Variants in DCAF6 observed in about 807,000 individuals in gnomAD.
DCAF6 encodes DDB1- and CUL4-associated factor 6.
DCAF6 carries 54 observed loss-of-function variants against 125.1 expected under a neutral mutation model. The ratio of observed to expected loss-of-function variants is 0.43; its 90% CI spans 0.35 to 0.54. The LOEUF is 0.54. Ranked by LOEUF, DCAF6 falls within the 20% of genes least tolerant of loss-of-function variation. The pLI, the probability that DCAF6 is intolerant of heterozygous loss-of-function variation, is 0.01. For missense variants in DCAF6, 934 were observed against 1,161.7 expected, an observed-to-expected ratio of 0.80 and a Z score of 2.85; for synonymous variants, 371 against 390.4, an observed-to-expected ratio of 0.95 and a Z score of 0.58.
At chr1:168,048,199 C>T (rs1689381719) in intron 16 of DCAF6, among the ~76,000 whole-genome samples, 1 of 152,102 alleles carries the variant, frequency 6.6e-6, no homozygotes, top group Non-Finnish European at 1.5e-5. Flanking sequence ...GGATACATTG[C>T]ACACATGGAT....
chr1:168,036,070 T>A (rs543984994), intron 12 of DCAF6, among the ~76,000 whole-genome samples: 1 of 151,890 alleles, frequency 6.6e-6, no homozygotes, highest in Non-Finnish European at 1.5e-5. Context: ...TCAAAAAAAA[T>A]AAAAACAAAA....
chr1:168,015,020 C>A (rs1193451505), intron 10 of DCAF6, among the ~76,000 whole-genome samples: 2 of 152,148 alleles, frequency 1.3e-5, no homozygotes, highest in South Asian at 2.1e-4. Flanking sequence ...TGTGTATTCG[C>A]AAATGTCTTT....
chr1:168,035,403 C>T (rs1049624345), intron 12 of DCAF6, among the ~76,000 whole-genome samples: 4 of 152,154 alleles, frequency 2.6e-5, no homozygotes, highest in Non-Finnish European at 5.9e-5. Flanking sequence ...GCCATGATTT[C>T]GCCACTGCAC....
At chr1:168,048,193 A>G (rs1014174858) in intron 16 of DCAF6, among the ~76,000 whole-genome samples, 1 of 152,190 alleles carries the variant, frequency 6.6e-6, no homozygotes, top group Non-Finnish European at 1.5e-5. Context: ...GTCCAAGGAT[A>G]CATTGCACAC....
chr1:167,969,085 T>G lies in DCAF6; in HGVS notation c.252+2364T>G, dbSNP rs145047753. The G allele has an allele frequency of 5.0e-3, 758 of 152,272 alleles. 5 individuals are homozygous for G. The highest frequency in any genetic ancestry group is 0.017 in the African/African-American group (711 of 41,582). 9.4% of individuals were successfully genotyped at this position (152,272 alleles called of 1,614,324 possible). A position where few individuals can be genotyped will look rare whatever the true frequency, so the allele number is the denominator to read the frequency against. ...ACCATTCTGACCAAGTTATTTAAAC[T>G]TTCCTTAGCCTTTTTCTTCATATAT... is the stretch of plus-strand genomic sequence containing the variant. On this transcript the variant is annotated intron_variant, in intron 3 of 21. Transcript: ENST00000367840.
At chr1:167,911,514 G>C in the DCAF6 span, among the ~76,000 whole-genome samples, 2 of 152,042 alleles carry the variant, frequency 1.3e-5, no homozygotes, top group African/African-American at 2.4e-5. Flanking sequence ...TCCTTCTTTT[G>C]TTCTCCTCTA....
chr1:167,872,188 A>C, the DCAF6 span, among the ~76,000 whole-genome samples: 3 of 152,062 alleles, frequency 2.0e-5, no homozygotes, highest in African/African-American at 7.2e-5. Context: ...AAAATACAAA[A>C]TTAGCCGGGC....
intron 4 of DCAF6, among the ~76,000 whole-genome samples, chr1:167,980,378 A>G (rs143243452): frequency 7.1e-4 from 106 of 148,930 alleles, no homozygotes; most frequent in African/African-American, 2.6e-3. Context: ...TCCATTTTTA[A>G]GTTTTTGAGG....
the DCAF6 span, chr1:167,870,395 A>G: frequency 6.2e-7 from 1 of 1,609,996 alleles, no homozygotes; most frequent in Non-Finnish European, 8.5e-7. Flanking sequence ...GAAGTAGTTG[A>G]TCTCTTTATT....
upstream of DCAF6, among the ~76,000 whole-genome samples, chr1:167,934,291 A>T (rs571979544): frequency 2.6e-4 from 40 of 152,320 alleles, no homozygotes; most frequent in African/African-American, 8.2e-4. Flanking sequence ...TTACTCTGTC[A>T]TGCCCTTATC....
At chr1:167,962,348 T>TA (rs776920107) in intron 2 of DCAF6, among the ~76,000 whole-genome samples, 1 of 152,154 alleles carries the variant, frequency 6.6e-6, no homozygotes, top group Non-Finnish European at 1.5e-5. Context: ...TGTCAGTTTT[T>TA]ATCTCACATA....
chr1:167,974,637 A>G (rs1677859497), intron 3 of DCAF6, among the ~76,000 whole-genome samples, 193 bp from the exon 4 acceptor site: 1 of 152,146 alleles, frequency 6.6e-6, no homozygotes, highest in Non-Finnish European at 1.5e-5. Flanking sequence ...AATCTTATTC[A>G]CATCTCACAG....
the DCAF6 span, chr1:167,878,460 G>C: frequency 1.2e-6 from 2 of 1,613,686 alleles, no homozygotes; most frequent in African/African-American, 2.7e-5. Context: ...TCTCAGTACG[G>C]CCCCAATACT....
chr1:167,901,430 T>A, the DCAF6 span, among the ~76,000 whole-genome samples: 1 of 152,216 alleles, frequency 6.6e-6, no homozygotes. Flanking sequence ...CCATACCAAC[T>A]AATTTACTTT....
the DCAF6 span, chr1:167,903,843 T>C: frequency 2.1e-6 from 3 of 1,402,274 alleles, no homozygotes; most frequent in Non-Finnish European, 3.0e-6. Context: ...GAAAAAACAA[T>C]GAATTGAAAT....
At chr1:168,032,687 A>G (rs1469299885) in intron 12 of DCAF6, among the ~76,000 whole-genome samples, 1 of 152,232 alleles carries the variant, frequency 6.6e-6, no homozygotes, top group Non-Finnish European at 1.5e-5. Flanking sequence ...TCGTTATACA[A>G]TAGAAAACTC....
chr1:168,032,634 A>AATAC (rs1243697847), intron 12 of DCAF6, among the ~76,000 whole-genome samples: 1 of 152,200 alleles, frequency 6.6e-6, no homozygotes, highest in Non-Finnish European at 1.5e-5. Context: ...TATTTGGTAT[A>AATAC]ATGAAGTGGG....
At chr1:167,878,649 GAGAA>G in the DCAF6 span, 4 of 1,612,638 alleles carry the variant, frequency 2.5e-6, no homozygotes, top group Non-Finnish European at 1.7e-6. Context: ...TAGCAAGAAA[GAGAA>G]AGTCAAAGAT....
At chr1:167,864,333 T>C in the DCAF6 span, among the ~76,000 whole-genome samples, 1 of 152,172 alleles carries the variant, frequency 6.6e-6, no homozygotes, top group Non-Finnish European at 1.5e-5. Context: ...GATTACGGTG[T>C]TACTATGACA....
Sources: gnomAD v4.1 joint callset for allele counts (sites outside exome capture counted in the v4.1 genomes callset) on GRCh38, gnomAD v4.1.1 for gene constraint, MANE v1.5 for transcripts, NCBI Gene and HGNC (gene_info 2026-07-23, HGNC 2026-07-21) for gene names.